Variants in DMRT1 observed in about 807,000 individuals in gnomAD.
DMRT1 encodes doublesex- and mab-3-related transcription factor 1.
DMRT1 carries 7 observed loss-of-function variants against 32.3 expected under a neutral mutation model. That is an observed-to-expected ratio of 0.22 (90% CI 0.12 to 0.41). DMRT1 has a LOEUF of 0.41. DMRT1 is among the 10% of genes least tolerant of loss of function. DMRT1 has a pLI of 1.00. For synonymous variants in DMRT1, 278 were observed against 206.1 expected (o/e 1.35, Z -2.99); for missense variants, 625 against 500.5 (o/e 1.25, Z -2.37).
At chr9:881,678 G>T (rs999891163) in intron 2 of DMRT1, among the ~76,000 whole-genome samples, 1 of 152,234 alleles carries the variant, frequency 6.6e-6, no homozygotes, top group Non-Finnish European at 1.5e-5. Flanking sequence ...AGTCAAACAA[G>T]TTCCTAATTT....
chr9:913,508 T>C (rs941442072), intron 3 of DMRT1, among the ~76,000 whole-genome samples: 2 of 151,544 alleles, frequency 1.3e-5, no homozygotes, highest in East Asian at 3.9e-4. Context: ...TGTATAAAAA[T>C]AAAAAAAGAA....
intron 2 of DMRT1, among the ~76,000 whole-genome samples, chr9:860,466 C>G (rs565781422): frequency 6.6e-6 from 1 of 152,270 alleles, no homozygotes; most frequent in East Asian, 1.9e-4. Context: ...ACTCTTCTTA[C>G]TCTGTTTTTT....
intron 2 of DMRT1, among the ~76,000 whole-genome samples, chr9:877,672 G>C (rs2132622853): frequency 6.6e-6 from 1 of 152,288 alleles, no homozygotes; most frequent in African/African-American, 2.4e-5. Context: ...AAGTTTCTCT[G>C]TGTCTCTGTT....
At chr9:866,205 A>G (rs1355100002) in intron 2 of DMRT1, among the ~76,000 whole-genome samples, 1 of 141,750 alleles carries the variant, frequency 7.1e-6, no homozygotes, top group Non-Finnish European at 1.5e-5. Flanking sequence ...TGGGTGTTTT[A>G]TAACCACACA....
chr9:879,375 A>C (rs1291606914), intron 2 of DMRT1, among the ~76,000 whole-genome samples: 1 of 152,144 alleles, frequency 6.6e-6, no homozygotes, highest in African/African-American at 2.4e-5. Flanking sequence ...AAATTACTAC[A>C]TTTTGCAAAT....
At chr9:934,922 T>G (rs1818837365) in intron 4 of DMRT1, among the ~76,000 whole-genome samples, 1 of 152,198 alleles carries the variant, frequency 6.6e-6, no homozygotes, top group Non-Finnish European at 1.5e-5. Context: ...CACCTTGATC[T>G]CTCTGGTGAA....
chr9:938,396 C>A (rs1402958742), intron 4 of DMRT1, among the ~76,000 whole-genome samples: 1 of 152,124 alleles, frequency 6.6e-6, no homozygotes, highest in Admixed American at 6.6e-5. Context: ...TTAAGTCTTC[C>A]AGTCCATGAA....
At position 895,626 on chromosome 9, in the gene DMRT1, A is replaced by G. The variant is rs569821525; in HGVS notation, c.822+1431A>G. Among the ~76,000 whole-genome samples the G allele has an allele frequency of 6.6e-5, 10 of 152,306 alleles. No homozygotes were observed. The South Asian group carries it at 2.1e-3, about 32-fold the overall frequency. The stretch of plus-strand genomic sequence containing the variant: ...TGTACCTTGCACAATGATTGCCACA[A>G]TTAAGCTAATTAACAAACACATTAA... On this transcript the variant is annotated intron_variant, in intron 3 of 4. Coordinates refer to ENST00000382276, the MANE Select transcript of DMRT1 (RefSeq NM_021951.3).
chr9:967,955 T>C (rs752197834), intron 4 of DMRT1, 30 bp from the exon 5 acceptor site: 1 of 1,609,554 alleles, frequency 6.2e-7, no homozygotes, highest in Non-Finnish European at 8.5e-7. Flanking sequence ...TTTCTCCCTT[T>C]CTCTCTTTCT....
intron 3 of DMRT1, among the ~76,000 whole-genome samples, chr9:912,742 G>A (rs1322983): frequency 0.035 from 5,357 of 152,010 alleles, 205 homozygotes; most frequent in African/African-American, 0.093. Flanking sequence ...GTATATGGAC[G>A]ATATGTTGGT....
At chr9:872,795 G>A (rs538041723) in intron 2 of DMRT1, among the ~76,000 whole-genome samples, 13 of 152,204 alleles carry the variant, frequency 8.5e-5, no homozygotes, top group African/African-American at 2.2e-4. Flanking sequence ...ACTTCAAAGC[G>A]GACTTGGTGG....
chr9:870,778 C>T (rs1816213790), intron 2 of DMRT1, among the ~76,000 whole-genome samples: 1 of 127,888 alleles, frequency 7.8e-6, no homozygotes, highest in Non-Finnish European at 1.6e-5. Flanking sequence ...GTGGTGTGAT[C>T]ATGGCTCACT....
chr9:881,117 C>CG (rs941866965), intron 2 of DMRT1, among the ~76,000 whole-genome samples: 2 of 152,072 alleles, frequency 1.3e-5, no homozygotes, highest in African/African-American at 4.8e-5. Flanking sequence ...AGACCCCCCC[C>CG]ACCTCCTCCT....
chr9:928,642 A>C (rs1818607552), intron 4 of DMRT1, among the ~76,000 whole-genome samples: 1 of 152,154 alleles, frequency 6.6e-6, no homozygotes, highest in Non-Finnish European at 1.5e-5. Context: ...ACTATACCCA[A>C]ATCAGCCCAG....
chr9:942,962 C>G (rs941437842), intron 4 of DMRT1, among the ~76,000 whole-genome samples: 1 of 152,114 alleles, frequency 6.6e-6, no homozygotes, highest in African/African-American at 2.4e-5. Context: ...AAAACCAGAT[C>G]TGACTTTAAA....
intron 1 of DMRT1, among the ~76,000 whole-genome samples, 163 bp from the exon 2 acceptor site, chr9:846,797 T>C (rs1180091448): frequency 1.3e-5 from 2 of 152,212 alleles, no homozygotes; most frequent in Non-Finnish European, 2.9e-5. Context: ...TTCTCAGCTT[T>C]GCACATCATA....
intron 4 of DMRT1, among the ~76,000 whole-genome samples, chr9:941,912 A>G (rs1819086844): frequency 6.6e-6 from 1 of 152,154 alleles, no homozygotes; most frequent in African/African-American, 2.4e-5. Flanking sequence ...TCCTTTTAGT[A>G]CATTGCTGGA....
intron 4 of DMRT1, among the ~76,000 whole-genome samples, chr9:942,658 A>G (rs1055534187): frequency 6.6e-6 from 1 of 152,174 alleles, no homozygotes; most frequent in Non-Finnish European, 1.5e-5. Context: ...CTGGAGGTAC[A>G]TCTCAAGTTT....
intron 4 of DMRT1, among the ~76,000 whole-genome samples, chr9:963,689 G>C (rs1204695518): frequency 6.6e-6 from 1 of 152,224 alleles, no homozygotes; most frequent in African/African-American, 2.4e-5. Flanking sequence ...GGACAGCTAA[G>C]ATAATCCTAA....
Sources: gnomAD v4.1 joint callset for allele counts (sites outside exome capture counted in the v4.1 genomes callset) on GRCh38, gnomAD v4.1.1 for gene constraint, MANE v1.5 for transcripts, NCBI Gene and HGNC (gene_info 2026-07-23, HGNC 2026-07-21) for gene names.